Variants in SPOCK1 observed in about 807,000 individuals in gnomAD.
SPOCK1 encodes SPARC (osteonectin), cwcv and kazal like domains proteoglycan 1.
SPOCK1 carries 23 observed loss-of-function variants against 55.3 expected under a neutral mutation model. The ratio of observed to expected loss-of-function variants is 0.42; its 90% CI spans 0.30 to 0.59. The LOEUF (loss-of-function observed/expected upper bound fraction) is 0.59. Ranked by LOEUF, SPOCK1 falls within the 20% of genes least tolerant of loss-of-function variation. SPOCK1 has a pLI of 0.22. For missense variants in SPOCK1, 499 were observed against 552.5 expected, an observed-to-expected ratio of 0.90 and a Z score of 0.97; for synonymous variants, 226 against 221.0, an observed-to-expected ratio of 1.02 and a Z score of -0.20.
chr5:137,160,109 C>A (rs370772908), intron 3 of SPOCK1, among the ~76,000 whole-genome samples: 1 of 151,732 alleles, frequency 6.6e-6, no homozygotes, highest in East Asian at 1.9e-4. Flanking sequence ...TTATCCCTCA[C>A]GCCCTTCCCA....
chr5:137,007,722 A>G (rs1751277237), intron 6 of SPOCK1, among the ~76,000 whole-genome samples: 2 of 152,182 alleles, frequency 1.3e-5, no homozygotes, highest in African/African-American at 4.8e-5. Flanking sequence ...ATTGTAGAAG[A>G]CAATGTGGCG....
At chr5:137,110,280 G>A (rs1753443205) in intron 5 of SPOCK1, among the ~76,000 whole-genome samples, 1 of 152,208 alleles carries the variant, frequency 6.6e-6, no homozygotes, top group African/African-American at 2.4e-5. Context: ...CCTATTAGAA[G>A]GGTTCTATAA....
intron 4 of SPOCK1, among the ~76,000 whole-genome samples, chr5:137,121,726 T>G (rs138763851): frequency 1.4e-5 from 2 of 146,698 alleles, no homozygotes; most frequent in East Asian, 3.9e-4. Flanking sequence ...ATACCAGTAT[T>G]CCTGGACATC....
At chr5:137,092,948 A>G (rs1753077111) in intron 5 of SPOCK1, among the ~76,000 whole-genome samples, 2 of 152,212 alleles carry the variant, frequency 1.3e-5, no homozygotes, top group African/African-American at 4.8e-5. Context: ...CGCATGGCCA[A>G]GGGCCTGAGC....
At chr5:137,017,756 A>T (rs1197047117) in intron 6 of SPOCK1, among the ~76,000 whole-genome samples, 1 of 152,242 alleles carries the variant, frequency 6.6e-6, no homozygotes, top group Non-Finnish European at 1.5e-5. Context: ...ACCAATTATT[A>T]AAAGATGAAT....
At chr5:137,433,371 T>C (rs1752790003) in intron 2 of SPOCK1, among the ~76,000 whole-genome samples, 1 of 152,168 alleles carries the variant, frequency 6.6e-6, no homozygotes, top group African/African-American at 2.4e-5. Context: ...GCCATGTCTT[T>C]ATTTCATGGA....
At chr5:137,011,986 G>A (rs1203698291) in intron 6 of SPOCK1, among the ~76,000 whole-genome samples, 1 of 152,134 alleles carries the variant, frequency 6.6e-6, no homozygotes, top group Non-Finnish European at 1.5e-5. Flanking sequence ...ACCCATGTTA[G>A]CACTTTGCCT....
intron 2 of SPOCK1, among the ~76,000 whole-genome samples, chr5:137,373,866 C>G (rs1254699242): frequency 1.3e-5 from 2 of 152,172 alleles, no homozygotes; most frequent in African/African-American, 4.8e-5. Context: ...TGGTCTGAGC[C>G]CCAAATTCTT....
At chr5:137,497,247 T>C (rs1580960368) in intron 2 of SPOCK1, among the ~76,000 whole-genome samples, 1 of 151,828 alleles carries the variant, frequency 6.6e-6, no homozygotes. Context: ...ACAAAGGGGG[T>C]CTGTGGTATA....
At chr5:137,435,048 A>G (rs751003378) in intron 2 of SPOCK1, among the ~76,000 whole-genome samples, 6 of 152,244 alleles carry the variant, frequency 3.9e-5, no homozygotes, top group African/African-American at 1.4e-4. Context: ...TTCCAATGTC[A>G]TTTCTAAGCT....
chr5:137,432,285 T>C (rs1377475841), intron 2 of SPOCK1, among the ~76,000 whole-genome samples: 1 of 152,224 alleles, frequency 6.6e-6, no homozygotes, highest in Non-Finnish European at 1.5e-5. Context: ...AAGCAGGGAC[T>C]GGAGAAGATA....
At chr5:137,379,515 C>A (rs894629815) in intron 2 of SPOCK1, among the ~76,000 whole-genome samples, 1 of 150,644 alleles carries the variant, frequency 6.6e-6, no homozygotes, top group African/African-American at 2.4e-5. Flanking sequence ...GTAACAAGAT[C>A]TCTTAATACC....
chr5:137,444,637 T>C (rs567370606), intron 2 of SPOCK1, among the ~76,000 whole-genome samples: 1 of 152,264 alleles, frequency 6.6e-6, no homozygotes, highest in East Asian at 1.9e-4. Flanking sequence ...TGAGACTCCC[T>C]TTATTCTTAA....
chr5:137,299,258 A>G (rs555277358), intron 2 of SPOCK1, among the ~76,000 whole-genome samples: 1 of 152,154 alleles, frequency 6.6e-6, no homozygotes, highest in South Asian at 2.1e-4. Flanking sequence ...TCCCCTCCCC[A>G]CATCCTGTTC....
chr5:137,172,358 A>C (rs571459167), intron 3 of SPOCK1, among the ~76,000 whole-genome samples: 1 of 152,150 alleles, frequency 6.6e-6, no homozygotes, highest in South Asian at 2.1e-4. Context: ...ACTTGGGTCT[A>C]TCTCTCCATT....
intron 4 of SPOCK1, among the ~76,000 whole-genome samples, chr5:137,135,319 G>C (rs749602482): frequency 1.8e-4 from 27 of 152,048 alleles, no homozygotes; most frequent in African/African-American, 7.2e-5. Context: ...TCTGCCCCAC[G>C]ATCTCCCACC....
chr5:137,390,519 G>T (rs187065669), intron 2 of SPOCK1, among the ~76,000 whole-genome samples: 1 of 152,084 alleles, frequency 6.6e-6, no homozygotes, highest in Non-Finnish European at 1.5e-5. Flanking sequence ...TTCTATTTCC[G>T]TTTTTAATAT....
At chr5:137,485,151 G>A (rs528358990) in intron 2 of SPOCK1, among the ~76,000 whole-genome samples, 5 of 152,034 alleles carry the variant, frequency 3.3e-5, no homozygotes, top group African/African-American at 1.2e-4. Context: ...CTTCAAATTC[G>A]GAAAAGAACA....
chr5:137,497,667 G>A (rs1187837965), intron 2 of SPOCK1, among the ~76,000 whole-genome samples: 2 of 152,262 alleles, frequency 1.3e-5, no homozygotes, highest in African/African-American at 4.8e-5. Flanking sequence ...CTGCGTGTCC[G>A]GGAGTAACTT....
Sources: gnomAD v4.1 joint callset for allele counts (sites outside exome capture counted in the v4.1 genomes callset) on GRCh38, gnomAD v4.1.1 for gene constraint, MANE v1.5 for transcripts, NCBI Gene and HGNC (gene_info 2026-07-23, HGNC 2026-07-21) for gene names.